Variants in KSR1 observed in about 807,000 individuals in gnomAD.
The protein encoded by KSR1 is kinase suppressor of ras.
In KSR1, 35 loss-of-function variants were observed where a neutral mutation model predicts 92.9. That is an observed-to-expected ratio of 0.38 (90% confidence interval 0.29 to 0.50). The LOEUF (loss-of-function observed/expected upper bound fraction) is 0.50. Ranked by LOEUF, KSR1 falls within the 20% of genes least tolerant of loss-of-function variation. The pLI, the probability that KSR1 is intolerant of heterozygous loss-of-function variation, is 0.94. For missense variants in KSR1, 972 were observed against 1,158.5 expected (o/e 0.84, Z 2.34); for synonymous variants, 467 against 472.6 (o/e 0.99, Z 0.15).
chr17:27,561,860 G>A (rs1203225764), intron 2 of KSR1, among the ~76,000 whole-genome samples: 1 of 152,074 alleles, frequency 6.6e-6, no homozygotes, highest in Non-Finnish European at 1.5e-5. Context: ...TCTGTTGTTT[G>A]TTTGTGGCAG....
intron 1 of KSR1, among the ~76,000 whole-genome samples, chr17:27,470,018 G>A (rs35136776): frequency 0.25 from 37,408 of 150,106 alleles, 4,902 homozygotes; most frequent in Admixed American, 0.36. Flanking sequence ...GTGTGTGTGT[G>A]TGTGTGTGTG....
intron 2 of KSR1, among the ~76,000 whole-genome samples, chr17:27,564,394 T>TC (rs1359066445): frequency 6.6e-6 from 1 of 152,230 alleles, no homozygotes; most frequent in African/African-American, 2.4e-5. Context: ...GAAGTTATAT[T>TC]CTTCTATTCC....
At chr17:27,487,620 G>A (rs529397331) in intron 1 of KSR1, among the ~76,000 whole-genome samples, 51 of 151,316 alleles carry the variant, frequency 3.4e-4, no homozygotes, top group African/African-American at 1.2e-3. Flanking sequence ...TTGGCTCACA[G>A]TTCTGCAGGC....
At chr17:27,586,372 T>C (rs1489633425) in intron 5 of KSR1, among the ~76,000 whole-genome samples, 2 of 152,202 alleles carry the variant, frequency 1.3e-5, no homozygotes, top group African/African-American at 2.4e-5. Flanking sequence ...CTGAGCAAAA[T>C]AGGAGTTTAT....
rs16966363 is a variant in KSR1, at chr17:27,625,056, C to T, written c.*1664C>T. ...GCTGTAAACCCCGTGGATTCAGCTC[C>T]GTGTGGAGTTTCTGTGCTATGGTGG... On this transcript the variant is annotated 3_prime_UTR_variant, in exon 21 of 21. Coordinates refer to ENST00000644974, the MANE Select transcript of KSR1 (RefSeq NM_001394583.1). 30,952 of 152,342 alleles carry T rather than the reference C, an allele frequency of 0.2. 3,339 individuals are homozygous for T. The highest frequency in any genetic ancestry group is 0.28 in the Admixed American group (4,259 of 15,308). 9.4% of individuals were successfully genotyped at this position (152,342 alleles called of 1,614,324 possible). A position where few individuals can be genotyped will look rare whatever the true frequency, so the allele number is the denominator to read the frequency against.
At chr17:27,460,057 A>G (rs1320005700) in intron 1 of KSR1, among the ~76,000 whole-genome samples, 1 of 152,086 alleles carries the variant, frequency 6.6e-6, no homozygotes, top group Non-Finnish European at 1.5e-5. Flanking sequence ...CAGGGTATTA[A>G]TCTGTAAACA....
intron 2 of KSR1, among the ~76,000 whole-genome samples, chr17:27,565,758 T>G (rs1472480610): frequency 1.3e-5 from 2 of 152,222 alleles, no homozygotes; most frequent in African/African-American, 4.8e-5. Context: ...ATTCTGTGAA[T>G]CTAATTATGA....
chr17:27,497,394 G>A (rs1271374076), intron 1 of KSR1, among the ~76,000 whole-genome samples: 2 of 152,214 alleles, frequency 1.3e-5, no homozygotes, highest in Non-Finnish European at 2.9e-5. Context: ...GACAAGGATG[G>A]TGCCCAGATG....
At chr17:27,475,910 A>G (rs1321326327) in intron 1 of KSR1, among the ~76,000 whole-genome samples, 1 of 152,210 alleles carries the variant, frequency 6.6e-6, no homozygotes, top group Non-Finnish European at 1.5e-5. Context: ...TTAAGATTGC[A>G]TGTATGTGGC....
At chr17:27,474,016 T>C (rs760958694) in intron 1 of KSR1, among the ~76,000 whole-genome samples, 13 of 152,230 alleles carry the variant, frequency 8.5e-5, no homozygotes, top group Non-Finnish European at 1.9e-4. Context: ...CAGCCAGCCA[T>C]GTGGGCTGCG....
chr17:27,566,243 G>T lies in KSR1; in HGVS notation c.373-11249G>T, dbSNP rs1397299188. On this transcript the variant is annotated intron_variant, in intron 2 of 20. Coordinates refer to ENST00000644974, the MANE Select transcript of KSR1 (RefSeq NM_001394583.1). ...GGGTGCCTGGTCCCCAGCCCCTGCT[G>T]CAGGGCCTGCTGGAGCCTGCACATC... is the stretch of plus-strand genomic sequence containing the variant. The T allele has an allele frequency of 1.1e-5, 4 of 376,676 alleles. No homozygotes were observed. In the Admixed American group the frequency reaches 1.4e-4, roughly 13 times the overall value. 23.3% of individuals were successfully genotyped at this position (376,676 alleles called of 1,614,324 possible).
Position 27,550,661 on chromosome 17 carries a change from T to A in KSR1, c.325T>A (p.Phe109Ile), listed in dbSNP as rs765368128. The change falls in exon 2 of 21, where the codon TTC becomes ATC. Residue 109 changes from phenylalanine to isoleucine, a missense_variant. Transcript: ENST00000644974. Reference sequence around the variant, plus strand: ...CCCAGAGCTCAACAGCTACCCCCGCTTCAGCGACTGGCTGTACACTTTCAA... The same window carrying A: ...CCCAGAGCTCAACAGCTACCCCCGCATCAGCGACTGGCTGTACACTTTCAA... ...RTPELNSYPRFSDWLYTFNVR... is the reference protein window; with the variant it reads ...RTPELNSYPRISDWLYTFNVR... 3 of 764,060 alleles carry A rather than the reference T, an allele frequency of 3.9e-6. No individual in the cohort carries two copies. In the Admixed American group the frequency reaches 5.1e-5, roughly 13 times the overall value. The allele number at this position is 764,060 out of a possible 1,614,324, so 47.3% of individuals were successfully genotyped here. A position where few individuals can be genotyped will look rare whatever the true frequency, so the allele number is the denominator to read the frequency against.
At chr17:27,583,291 G>A (rs2072845274) in intron 4 of KSR1, among the ~76,000 whole-genome samples, 186 bp downstream of exon 4, 1 of 152,208 alleles carries the variant, frequency 6.6e-6, no homozygotes, top group African/African-American at 2.4e-5. Flanking sequence ...TTCTAGATTT[G>A]GTTTTGTATG....
intron 19 of KSR1, among the ~76,000 whole-genome samples, chr17:27,619,009 A>C (rs2074141967): frequency 6.6e-6 from 1 of 151,996 alleles, no homozygotes. Context: ...TATAAACTTT[A>C]AGGAAAAGGA....
chr17:27,584,798 A>G (rs563972433), intron 4 of KSR1, among the ~76,000 whole-genome samples: 114 of 152,154 alleles, frequency 7.5e-4, no homozygotes, highest in Admixed American at 2.1e-3. Context: ...CTCCAGCTCC[A>G]TGTGTTCTCA....
At chr17:27,605,914 A>AT (rs11433820) in intron 14 of KSR1, 101 bp downstream of exon 14, 190,663 of 1,469,092 alleles carry the variant, frequency 0.13, 13,569 homozygotes, top group Admixed American at 0.25. Flanking sequence ...GGAAGTTCTA[A>AT]TAGAGGCATA....
intron 18 of KSR1, among the ~76,000 whole-genome samples, chr17:27,616,079 G>T (rs901131513): frequency 2.6e-5 from 4 of 152,100 alleles, no homozygotes; most frequent in Non-Finnish European, 4.4e-5. Context: ...TATATCTGAG[G>T]GTAGAGTTTT....
chr17:27,462,894 G>C (rs577412020), intron 1 of KSR1, among the ~76,000 whole-genome samples: 1 of 152,246 alleles, frequency 6.6e-6, no homozygotes, highest in Non-Finnish European at 1.5e-5. Flanking sequence ...AATGTCTTCT[G>C]TCTGTATCAG....
At chr17:27,621,387 T>C (rs2074219656) in intron 20 of KSR1, 114 bp downstream of exon 20, 3 of 396,146 alleles carry the variant, frequency 7.6e-6, no homozygotes, top group African/African-American at 2.1e-5. Flanking sequence ...TCATTTATTC[T>C]CGCAAACCAA....
Sources: allele counts gnomAD v4.1 joint callset (sites outside exome capture counted in the v4.1 genomes callset), GRCh38; gene constraint gnomAD v4.1.1; transcripts MANE v1.5; gene names NCBI Gene and HGNC (gene_info 2026-07-23, HGNC 2026-07-21).